The following ADAMTS12 variants were observed in gnomAD, a reference collection of about 807,000 sequenced individuals.
ADAMTS12 encodes ADAM metallopeptidase with thrombospondin type 1 motif 12.
ADAMTS12 carries 118 observed loss-of-function variants against 167.8 expected under a neutral mutation model. That is an observed-to-expected ratio of 0.70 (90% CI 0.61 to 0.82). The LOEUF is 0.82. ADAMTS12 is among the 40% of genes least tolerant of loss of function. The pLI is 0.00. For synonymous variants in ADAMTS12, 704 were observed against 716.9 expected, an observed-to-expected ratio of 0.98 and a Z score of 0.29; for missense variants, 1,916 against 1,998.8, an observed-to-expected ratio of 0.96 and a Z score of 0.79.
chr5:33,568,607 C>CCTA (rs1746134868), intron 19 of ADAMTS12, among the ~76,000 whole-genome samples: 1 of 152,198 alleles, frequency 6.6e-6, no homozygotes, highest in Admixed American at 6.5e-5. Flanking sequence ...GAGACACTTA[C>CCTA]CTACTCATCA....
intron 2 of ADAMTS12, among the ~76,000 whole-genome samples, chr5:33,851,227 G>T (rs189334939): frequency 2.1e-3 from 318 of 152,112 alleles, no homozygotes; most frequent in African/African-American, 7.2e-3. Flanking sequence ...TCTGGCTAAC[G>T]TGGTGAAACC....
At chr5:33,645,610 TAAG>T (rs907487696) in intron 9 of ADAMTS12, among the ~76,000 whole-genome samples, 3 of 152,218 alleles carry the variant, frequency 2.0e-5, no homozygotes, top group African/African-American at 7.2e-5. Context: ...TCTTTTACTT[TAAG>T]TTCACTGAGC....
intron 2 of ADAMTS12, among the ~76,000 whole-genome samples, chr5:33,776,956 A>C (rs2112434513): frequency 6.6e-6 from 1 of 152,204 alleles, no homozygotes; most frequent in Non-Finnish European, 1.5e-5. Flanking sequence ...GAAACCTACA[A>C]CCTGCCAAGT....
At chr5:33,558,277 C>T (rs563991071) in intron 20 of ADAMTS12, among the ~76,000 whole-genome samples, 17 of 152,126 alleles carry the variant, frequency 1.1e-4, no homozygotes, top group Non-Finnish European at 2.1e-4. Flanking sequence ...AAAATCAGGG[C>T]AACTGACCAT....
chr5:33,598,508 T>C (rs1009823312), intron 16 of ADAMTS12, among the ~76,000 whole-genome samples: 11 of 152,228 alleles, frequency 7.2e-5, no homozygotes, highest in Non-Finnish European at 1.2e-4. Flanking sequence ...AGAACAGTGA[T>C]ATTCATGCTG....
At chr5:33,807,992 C>T (rs573371136) in intron 2 of ADAMTS12, among the ~76,000 whole-genome samples, 3 of 152,090 alleles carry the variant, frequency 2.0e-5, no homozygotes, top group African/African-American at 4.8e-5. Context: ...TATTGGAATG[C>T]GTGCAGGATG....
At chr5:33,827,567 G>A (rs1016681323) in intron 2 of ADAMTS12, among the ~76,000 whole-genome samples, 3 of 151,952 alleles carry the variant, frequency 2.0e-5, no homozygotes, top group African/African-American at 7.3e-5. Flanking sequence ...GCAATAGAAA[G>A]CTATTACCTC....
rs1314943507 is a variant in ADAMTS12, at chr5:33,588,779, C to T, written c.2685G>A (p.Ser895=). 1.9e-6 allele frequency: 3 copies of T among 1,613,602 alleles called. No homozygotes were observed. The highest frequency in any genetic ancestry group is 1.3e-5 in the African/African-American group (1 of 74,920). The change falls in exon 18 of 24, where the codon TCG becomes TCA. Residue 895 remains serine (S), a synonymous_variant. Coordinates refer to ENST00000504830, the MANE Select transcript of ADAMTS12 (RefSeq NM_030955.4). ...TCTCCCCGTGGGGCCCGCATGTCGCCGAGCATGCTTCCCACTCCCCTGCCC... is the reference window on the plus strand; with the variant it reads ...TCTCCCCGTGGGGCCCGCATGTCGCTGAGCATGCTTCCCACTCCCCTGCCC... ...RWWAGEWEAC[S]ATCGPHGEKK... is the part of the protein sequence containing the mutation.
At chr5:33,779,752 T>C (rs1418118282) in intron 2 of ADAMTS12, among the ~76,000 whole-genome samples, 1 of 152,152 alleles carries the variant, frequency 6.6e-6, no homozygotes, top group South Asian at 2.1e-4. Flanking sequence ...CTCACTTATA[T>C]GTGGAATCTA....
At chr5:33,889,506 T>C (rs558308882) in intron 1 of ADAMTS12, among the ~76,000 whole-genome samples, 1 of 152,336 alleles carries the variant, frequency 6.6e-6, no homozygotes, top group East Asian at 1.9e-4. Flanking sequence ...CATTCTCTAC[T>C]GGTTTGCCCT....
chr5:33,830,690 G>T (rs1421363130), intron 2 of ADAMTS12, among the ~76,000 whole-genome samples: 1 of 152,106 alleles, frequency 6.6e-6, no homozygotes, highest in Non-Finnish European at 1.5e-5. Context: ...TACTTGGGAG[G>T]CTGAGATGGG....
At chr5:33,885,541 G>A (rs1225946563) in intron 1 of ADAMTS12, among the ~76,000 whole-genome samples, 1 of 152,130 alleles carries the variant, frequency 6.6e-6, no homozygotes, top group Non-Finnish European at 1.5e-5. Flanking sequence ...AAATAAATAG[G>A]TAAGAAGGAT....
At chr5:33,863,586 T>G (rs1749702409) in intron 2 of ADAMTS12, among the ~76,000 whole-genome samples, 1 of 152,206 alleles carries the variant, frequency 6.6e-6, no homozygotes, top group Admixed American at 6.5e-5. Context: ...CATTCCATGT[T>G]CATGAATAGG....
intron 2 of ADAMTS12, among the ~76,000 whole-genome samples, chr5:33,847,623 C>CAA (rs34289930): frequency 1.9e-4 from 25 of 132,322 alleles, no homozygotes; most frequent in African/African-American, 6.4e-4. Context: ...AACTCCATCT[C>CAA]AAAAAAAAAA....
At chr5:33,630,680 T>C in intron 13 of ADAMTS12, 100 bp downstream of exon 13, 1 of 1,274,962 alleles carries the variant, frequency 7.8e-7, no homozygotes, top group South Asian at 1.5e-5. Flanking sequence ...ACAGATGAGG[T>C]GTAAATGCTG....
At chr5:33,782,452 T>C (rs1218013813) in intron 2 of ADAMTS12, among the ~76,000 whole-genome samples, 1 of 151,914 alleles carries the variant, frequency 6.6e-6, no homozygotes, top group Admixed American at 6.6e-5. Context: ...AATAATGACA[T>C]TAAATGTGAA....
At chr5:33,604,007 C>G (rs1738307887) in intron 16 of ADAMTS12, among the ~76,000 whole-genome samples, 1 of 152,132 alleles carries the variant, frequency 6.6e-6, no homozygotes, top group Non-Finnish European at 1.5e-5. Flanking sequence ...TAGAACTCAT[C>G]AAGAGTGAAT....
In ADAMTS12 at chr5:33,637,634, A is replaced by G; in HGVS notation, c.1831T>C (p.Phe611Leu). 6.2e-7 allele frequency: 1 copy of G among 1,613,746 alleles called. No individual in the cohort carries two copies. Among genetic ancestry groups the G allele is most frequent in the African/African-American group, 1.3e-5 (1 of 75,010 alleles). ...TCATTCTTGTAGGGAACAGTGTCAA[A>G]TTCACTGCACTGCATCTGCCGAAAT... is the stretch of plus-strand genomic sequence containing the variant. ...PTFRQMQCSE[F>L]DTVPYKNELY... Residue 611 changes from phenylalanine to leucine, a missense_variant, in exon 12 of 24, where the codon TTT (phenylalanine) becomes CTT (leucine). Physicochemically the swap from Phe to Leu is conservative, Grantham distance 22. Transcript: ENST00000504830.
intron 18 of ADAMTS12, among the ~76,000 whole-genome samples, chr5:33,580,195 CT>C (rs752754682): frequency 2.0e-5 from 3 of 152,266 alleles, no homozygotes; most frequent in East Asian, 3.9e-4. Context: ...TGTTTTCATG[CT>C]GCTATAAAGA....
Sources: allele counts gnomAD v4.1 joint callset (sites outside exome capture counted in the v4.1 genomes callset), GRCh38; gene constraint gnomAD v4.1.1; transcripts MANE v1.5; gene names NCBI Gene and HGNC (gene_info 2026-07-23, HGNC 2026-07-21).